The following DYNC2I2 variants were observed in gnomAD, a reference collection of about 807,000 sequenced individuals.
DYNC2I2 encodes the protein cytoplasmic dynein 2 intermediate chain 2.
Under a neutral mutation model 52.0 loss-of-function variants are expected in DYNC2I2, and 39 were observed. The ratio of observed to expected loss-of-function variants is 0.75; its 90% CI spans 0.58 to 0.98. The LOEUF (loss-of-function observed/expected upper bound fraction) is 0.98, where lower values mean the gene tolerates loss of function less well. DYNC2I2 is among the 50% of genes least tolerant of loss of function. DYNC2I2 has a pLI of 0.00. For synonymous variants in DYNC2I2, 359 were observed against 321.1 expected (o/e 1.12, Z -1.26); for missense variants, 743 against 728.4 (o/e 1.02, Z -0.23).
chr9:128,662,219 C>T, the DYNC2I2 span, among the ~76,000 whole-genome samples: 70 of 150,420 alleles, frequency 4.7e-4, no homozygotes, highest in Middle Eastern at 6.8e-3. Context: ...GGCAACAGCG[C>T]GAGACTCCGT....
At chr9:128,670,780 C>T in the DYNC2I2 span, among the ~76,000 whole-genome samples, 86 of 147,004 alleles carry the variant, frequency 5.9e-4, no homozygotes, top group Non-Finnish European at 1.0e-3. Flanking sequence ...GAGAGAGAAA[C>T]GCGGTGGGGT....
chr9:128,648,498 G>A (rs116627811), intron 1 of DYNC2I2, among the ~76,000 whole-genome samples: 3,836 of 151,490 alleles, frequency 0.025, 155 homozygotes, highest in African/African-American at 0.087. Context: ...CAAGCCAAGC[G>A]GGCAGGGCCA....
At position 128,635,725 on chromosome 9, in the gene DYNC2I2, C is replaced by G; in HGVS notation, c.746G>C (p.Arg249Pro). 6.2e-7 allele frequency: 1 copy of G among 1,613,146 alleles called. No homozygotes were observed. Reference sequence around the variant, plus strand: ...GCGCCACAGCAGCGGGTCCTCAAGACGGCTCAGGTCCCACACCAACACCTC... The same window carrying G: ...GCGCCACAGCAGCGGGTCCTCAAGAGGGCTCAGGTCCCACACCAACACCTC... ...SGEVLVWDLSRLEDPLLWRTG... is the reference protein window; with the variant it reads ...SGEVLVWDLSPLEDPLLWRTG... The change falls in exon 5 of 9, where the codon CGT (arginine) becomes CCT (proline). Residue 249 changes from arginine (R) to proline (P), a missense_variant. Coordinates refer to ENST00000372715, the MANE Select transcript of DYNC2I2 (RefSeq NM_052844.4).
chr9:128,640,951 G>A lies in DYNC2I2; in HGVS notation c.187-12C>T. The A allele has an allele frequency of 1.3e-6, 2 of 1,568,958 alleles. No homozygotes were observed. The highest frequency in any genetic ancestry group is 1.7e-6 in the Non-Finnish European group (2 of 1,155,768). On this transcript the variant is annotated splice_polypyrimidine_tract_variant and intron_variant, in intron 1 of 8. Coordinates refer to ENST00000372715, the MANE Select transcript of DYNC2I2 (RefSeq NM_052844.4). ...GTCTGGCAACTTTTCTGGGGGGAGG[G>A]TGAAAACAAGTGTCACCACCCAGCT...
At position 128,656,747 on chromosome 9, in the gene DYNC2I2, G is replaced by GT. The variant is rs1247563088; in HGVS notation, c.-22dup. 5.2e-6 allele frequency: 7 copies of GT among 1,350,300 alleles called. No homozygotes were observed. In the African/African-American group the frequency reaches 9.1e-5, roughly 18 times the overall value. The allele number at this position is 1,350,300 out of a possible 1,614,324, so 83.6% of individuals were successfully genotyped here. A position where few individuals can be genotyped will look rare whatever the true frequency, so the allele number is the denominator to read the frequency against. ...GCCATGGAGACGGTTCCGCCCTCTCGTGCGGACGCACTCAGGCGCGACCTC... is the reference window on the plus strand; with the variant it reads ...GCCATGGAGACGGTTCCGCCCTCTCGTTGCGGACGCACTCAGGCGCGACCTC... On this transcript the variant is annotated 5_prime_UTR_variant, in exon 1 of 9. Coordinates refer to ENST00000372715, the MANE Select transcript of DYNC2I2 (RefSeq NM_052844.4).
At chr9:128,639,284 G>C (rs962555413) in intron 2 of DYNC2I2, among the ~76,000 whole-genome samples, 5 of 151,554 alleles carry the variant, frequency 3.3e-5, no homozygotes, top group Admixed American at 6.6e-5. Context: ...TGTAATCCCA[G>C]CTGCTCAGGA....
intron 1 of DYNC2I2, among the ~76,000 whole-genome samples, chr9:128,647,064 G>C (rs1438560803): frequency 6.6e-6 from 1 of 152,226 alleles, no homozygotes; most frequent in African/African-American, 2.4e-5. Context: ...GGCAGAGGTT[G>C]TGGTGAGCTG....
Position 128,634,782 on chromosome 9 carries a change from A to T in DYNC2I2, c.1121T>A (p.Met374Lys). 1 of 1,610,800 alleles carries T rather than the reference A, an allele frequency of 6.2e-7. No homozygotes were observed. Among genetic ancestry groups the T allele is most frequent in the Non-Finnish European group, 8.5e-7 (1 of 1,178,858 alleles). Residue 374 changes from methionine (M) to lysine (K), a missense_variant, in exon 7 of 9, where the codon ATG becomes AAG. Coordinates refer to ENST00000372715, the MANE Select transcript of DYNC2I2 (RefSeq NM_052844.4). ...GGCCCGCAGGGGCACGGAGCTGGGC[A>T]TCCGCGTGAGGGCTGCCTCTCCAGC... is the stretch of plus-strand genomic sequence containing the variant. The part of the protein sequence containing the change: ...LAAGEAALTR[M>K]PSSVPLRAPA...
the DYNC2I2 span, among the ~76,000 whole-genome samples, chr9:128,676,871 C>T: frequency 2.8e-5 from 4 of 141,050 alleles, no homozygotes; most frequent in East Asian, 2.2e-4. Context: ...GTTTTTGAGA[C>T]GGAGTCTCGC....
the DYNC2I2 span, among the ~76,000 whole-genome samples, chr9:128,676,900 A>G: frequency 2.6e-5 from 4 of 151,198 alleles, no homozygotes; most frequent in African/African-American, 9.7e-5. Context: ...CCAGGCTAGA[A>G]TGCAGTGGCG....
intron 8 of DYNC2I2, 32 bp from the exon 9 acceptor site, chr9:128,634,014 G>C (rs748734080): frequency 8.1e-6 from 13 of 1,610,746 alleles, no homozygotes; most frequent in Non-Finnish European, 1.1e-5. Context: ...TGGAGTAAGA[G>C]AAACTCTAGA....
rs1172771848 is a variant in DYNC2I2, at chr9:128,633,694, A to AAAC, written c.*47_*49dup. The AAAC allele has an allele frequency of 6.4e-7, 1 of 1,560,198 alleles. No individual in the cohort carries two copies. The highest frequency in any genetic ancestry group is 1.4e-5 in the African/African-American group (1 of 73,224). On this transcript the variant is annotated 3_prime_UTR_variant, in exon 9 of 9. Transcript: ENST00000372715. ...CTTTTCTTCATTTGGCTTGCGTCAG[A>AAAC]AACACAAGGCTCGGCACAGCGAAGG...
At chr9:128,652,505 C>T (rs1282429996) in intron 1 of DYNC2I2, among the ~76,000 whole-genome samples, 1 of 150,374 alleles carries the variant, frequency 6.7e-6, no homozygotes, top group East Asian at 1.9e-4. Flanking sequence ...CACCTGTACT[C>T]CTAGGTACTC....
At chr9:128,672,492 C>A in the DYNC2I2 span, among the ~76,000 whole-genome samples, 2 of 150,942 alleles carry the variant, frequency 1.3e-5, no homozygotes, top group African/African-American at 4.9e-5. Context: ...CTACACTGAC[C>A]CTGTCTCTAA....
upstream of DYNC2I2, among the ~76,000 whole-genome samples, chr9:128,660,064 CAA>C (rs752364787): frequency 8.1e-5 from 6 of 73,716 alleles, no homozygotes; most frequent in African/African-American, 8.5e-5. Flanking sequence ...GAGACCCTGT[CAA>C]AAAAAAAAAA....
At chr9:128,678,448 ATTTTTTTTTTT>A in the DYNC2I2 span, among the ~76,000 whole-genome samples, 28 of 61,358 alleles carry the variant, frequency 4.6e-4, no homozygotes, top group African/African-American at 1.8e-3. Context: ...ACCACAGGTA[ATTTTTTTTTTT>A]TTTTTTTTTT....
the DYNC2I2 span, among the ~76,000 whole-genome samples, chr9:128,673,002 C>T: frequency 2.0e-5 from 3 of 151,862 alleles, no homozygotes; most frequent in East Asian, 1.9e-4. Context: ...CCAGCCTGGG[C>T]GACAGAGTGA....
the DYNC2I2 span, among the ~76,000 whole-genome samples, chr9:128,666,928 C>G: frequency 6.6e-6 from 1 of 151,872 alleles, no homozygotes; most frequent in South Asian, 2.1e-4. Flanking sequence ...AGGCCAGGCG[C>G]GGTGGCTCAC....
Position 128,633,873 on chromosome 9 carries a change from C to G in DYNC2I2, c.1482G>C (p.Gln494His), listed in dbSNP as rs565854328. The G allele has an allele frequency of 5.6e-6, 9 of 1,613,420 alleles. No individual in the cohort carries two copies. Among genetic ancestry groups the G allele is most frequent in the Non-Finnish European group, 7.6e-6 (9 of 1,180,056 alleles). The change falls in exon 9 of 9, where the codon CAG becomes CAC. Residue 494 changes from glutamine (Q) to histidine (H), a missense_variant. Coordinates refer to ENST00000372715, the MANE Select transcript of DYNC2I2 (RefSeq NM_052844.4). ...CATCGCCCGCAGCCAAGAGCTGAGT[C>G]TGCTGGCTGTTGAACTCCAGACAGT... The part of the protein sequence containing the change: ...PVYCLEFNSQ[Q>H]TQLLAAGDAQ...
Sources: gnomAD v4.1 joint callset for allele counts (sites outside exome capture counted in the v4.1 genomes callset) on GRCh38, gnomAD v4.1.1 for gene constraint, MANE v1.5 for transcripts, NCBI Gene and HGNC (gene_info 2026-07-23, HGNC 2026-07-21) for gene names.